FFAR1: variants seen among roughly 807,000 people sequenced by gnomAD.
FFAR1 encodes G-protein coupled receptor 40.
For missense variants in FFAR1, 424 were observed against 396.2 expected (o/e 1.07, Z -0.60); for synonymous variants, 216 against 201.5 (o/e 1.07, Z -0.61).
chr19:35,348,183 C>T (rs559299809), upstream of FFAR1, among the ~76,000 whole-genome samples: 5 of 152,366 alleles, frequency 3.3e-5, no homozygotes, highest in African/African-American at 9.6e-5. Flanking sequence ...CTGCTCAGTA[C>T]CCGGACGGTA....
exon 1 of FFAR1, chr19:35,352,627 C>A: frequency 2.9e-6 from 2 of 691,286 alleles, no homozygotes; most frequent in Non-Finnish European, 4.7e-6. Context: ...AAGAGAGGAG[C>A]ACCGAGCCAG....
chr19:35,350,998 C>T (rs1167957509), upstream of FFAR1, among the ~76,000 whole-genome samples: 1 of 152,124 alleles, frequency 6.6e-6, no homozygotes, highest in Non-Finnish European at 1.5e-5. Context: ...TTTTCCTGTC[C>T]CTGGCCACAC....
chr19:35,352,534 G>T, exon 1 of FFAR1: 3 of 1,452,770 alleles, frequency 2.1e-6, no homozygotes, highest in South Asian at 1.3e-5. Context: ...TGCTTCGGAG[G>T]AACTGCAGGG....
chr19:35,352,355 T>A (rs1006412186), exon 1 of FFAR1: 1 of 1,552,182 alleles, frequency 6.4e-7, no homozygotes. Context: ...GTGCCTGGAG[T>A]GTGGTGCTTA....
chr19:35,351,477 T>A, upstream of FFAR1: 1 of 1,382,194 alleles, frequency 7.2e-7, no homozygotes, highest in Non-Finnish European at 9.9e-7. Flanking sequence ...GAGCCCCTCC[T>A]CTCCGGGGCC....
At chr19:35,351,076 G>C (rs1048075125), upstream of FFAR1, among the ~76,000 whole-genome samples, 6 of 152,112 alleles carry the variant, frequency 3.9e-5, no homozygotes, top group Non-Finnish European at 5.9e-5. Flanking sequence ...TGGGGGGTGG[G>C]GGCAGCTCCT....
chr19:35,351,633 C>T lies in FFAR1; in HGVS notation c.82C>T (p.Arg28Ter), dbSNP rs1396342095. The change falls in exon 1 of 1, where the codon CGA becomes TGA. Residue 28 changes from arginine to a stop codon, truncating the protein, a stop_gained. Coordinates refer to ENST00000246553, the Ensembl canonical transcript of FFAR1. LOFTEE classifies it low-confidence loss of function (END_TRUNC). ...CTTCCCGCTCAACGTCCTGGCCATC[C>T]GAGGCGCGACGGCCCACGCCCGGCT... 3.9e-6 allele frequency: 6 copies of T among 1,544,652 alleles called. No individual in the cohort carries two copies. The Admixed American group carries it at 7.8e-5, about 20-fold the overall frequency.
At chr19:35,351,848 C>T in exon 1 of FFAR1, 2 of 1,612,566 alleles carry the variant, frequency 1.2e-6, no homozygotes, top group African/African-American at 1.3e-5. Flanking sequence ...TCCTGGCCGC[C>T]CTGAGTGCAG....
chr19:35,352,028 C>T, exon 1 of FFAR1: 1 of 1,614,026 alleles, frequency 6.2e-7, no homozygotes, highest in South Asian at 1.1e-5. Context: ...CCTCCCTGGG[C>T]ATCAACACAC....
At chr19:35,350,401 C>G (rs2066939113), upstream of FFAR1, among the ~76,000 whole-genome samples, 1 of 152,246 alleles carries the variant, frequency 6.6e-6, no homozygotes, top group South Asian at 2.1e-4. Context: ...AGTCACAGGG[C>G]ACCCTGTGTT....
chr19:35,352,400 T>C (rs1247254962), exon 1 of FFAR1: 4 of 1,554,536 alleles, frequency 2.6e-6, no homozygotes, highest in East Asian at 4.8e-5. Flanking sequence ...GAAGGGGTCC[T>C]GGCCTGAAGA....
chr19:35,350,324 C>T (rs548425306), upstream of FFAR1, among the ~76,000 whole-genome samples: 9 of 152,326 alleles, frequency 5.9e-5, no homozygotes, highest in South Asian at 2.1e-4. Flanking sequence ...TGTGCAGAAC[C>T]GCACCCGGGT....
At chr19:35,350,936 C>T (rs894938579), upstream of FFAR1, among the ~76,000 whole-genome samples, 10 of 152,200 alleles carry the variant, frequency 6.6e-5, no homozygotes, top group East Asian at 1.9e-4. Context: ...TAAGCTCAAC[C>T]GTGACATGGA....
At chr19:35,348,865 A>T (rs1296507875), upstream of FFAR1, among the ~76,000 whole-genome samples, 1 of 152,200 alleles carries the variant, frequency 6.6e-6, no homozygotes, top group Non-Finnish European at 1.5e-5. Context: ...CCTAAGCCTG[A>T]AGGGCCTGGC....
At chr19:35,351,115 G>T (rs1208416343), upstream of FFAR1, among the ~76,000 whole-genome samples, 1 of 152,182 alleles carries the variant, frequency 6.6e-6, no homozygotes, top group East Asian at 1.9e-4. Flanking sequence ...GGAGGGCAGT[G>T]GGCTCAGGAG....
At chr19:35,352,055 G>T (rs35289185) in exon 1 of FFAR1, 7 of 1,613,642 alleles carry the variant, frequency 4.3e-6, no homozygotes, top group Non-Finnish European at 5.9e-6. Flanking sequence ...ACGGCTCTCC[G>T]GTCTGCCTGG....
exon 1 of FFAR1, chr19:35,353,849 A>C (rs2066954893): frequency 6.6e-6 from 1 of 152,238 alleles, no homozygotes; most frequent in South Asian, 2.1e-4. Flanking sequence ...TATTGCATTA[A>C]ACATGGTGAA....
At chr19:35,349,670 G>A (rs540553943), upstream of FFAR1, among the ~76,000 whole-genome samples, 1 of 152,302 alleles carries the variant, frequency 6.6e-6, no homozygotes, top group East Asian at 1.9e-4. Flanking sequence ...AGAGCTGCCA[G>A]GAGGCCACAC....
upstream of FFAR1, among the ~76,000 whole-genome samples, chr19:35,351,070 G>A (rs1461186896): frequency 6.6e-6 from 1 of 152,142 alleles, no homozygotes; most frequent in Non-Finnish European, 1.5e-5. Context: ...TGTGGGTGGG[G>A]GGTGGGGGCA....
Sources: allele counts gnomAD v4.1 joint callset (sites outside exome capture counted in the v4.1 genomes callset), GRCh38; gene constraint gnomAD v4.1.1; transcripts MANE v1.5; gene names NCBI Gene and HGNC (gene_info 2026-07-23, HGNC 2026-07-21).